The following PDZD8 variants were observed in gnomAD, a reference collection of about 807,000 sequenced individuals.
PDZD8 encodes the protein PDZ domain containing 8.
In PDZD8, 14 loss-of-function variants were observed where a neutral mutation model predicts 85.8. That is an observed-to-expected ratio of 0.16 (90% CI 0.11 to 0.26). PDZD8 has a LOEUF of 0.26. Among genes scored for constraint, PDZD8 ranks in the 10% least tolerant of loss-of-function variants. The pLI, the probability that PDZD8 is intolerant of heterozygous loss-of-function variation, is 1.00. For synonymous variants in PDZD8, 592 were observed against 568.6 expected (o/e 1.04, Z -0.59); for missense variants, 1,197 against 1,424.3 (o/e 0.84, Z 2.57).
At chr10:117,307,993 T>A (rs1843972006) in intron 3 of PDZD8, among the ~76,000 whole-genome samples, 1 of 152,146 alleles carries the variant, frequency 6.6e-6, no homozygotes, top group Non-Finnish European at 1.5e-5. Flanking sequence ...TAGTGAAGTA[T>A]CATGAACTAC....
chr10:117,281,550 A>C lies in PDZD8; in HGVS notation c.*1718T>G, dbSNP rs1253556186. 2 of 152,182 alleles carry C rather than the reference A, an allele frequency of 1.3e-5. No individual in the cohort carries two copies. Among genetic ancestry groups the C allele is most frequent in the Non-Finnish European group, 2.9e-5 (2 of 68,032 alleles). The allele number at this position is 152,182 out of a possible 1,614,324, so 9.4% of individuals were successfully genotyped here. On this transcript the variant is annotated 3_prime_UTR_variant, in exon 5 of 5. Coordinates refer to ENST00000334464, the MANE Select transcript of PDZD8 (RefSeq NM_173791.5). The stretch of plus-strand genomic sequence containing the variant: ...AAAGTGGAATAACTTTTCTCCCCTC[A>C]AAAATGTCTTTCTTACTCATATAAA...
At chr10:117,326,125 A>C (rs1042068724) in intron 2 of PDZD8, among the ~76,000 whole-genome samples, 2 of 152,132 alleles carry the variant, frequency 1.3e-5, no homozygotes, top group Non-Finnish European at 2.9e-5. Flanking sequence ...GAGTCAATTA[A>C]ACCTCTTTTC....
chr10:117,288,230 TGAATC>T (rs1844698351), intron 4 of PDZD8, among the ~76,000 whole-genome samples: 2 of 152,166 alleles, frequency 1.3e-5, no homozygotes. Context: ...CCCATATAAA[TGAATC>T]AAAGCGATAT....
At chr10:117,312,091 A>C (rs575028298) in intron 3 of PDZD8, among the ~76,000 whole-genome samples, 2 of 152,244 alleles carry the variant, frequency 1.3e-5, no homozygotes, top group African/African-American at 4.8e-5. Context: ...CTCTCATGGC[A>C]TACAGCAGGG....
At chr10:117,323,145 A>ATCGT (rs1358563753) in intron 2 of PDZD8, among the ~76,000 whole-genome samples, 1 of 152,198 alleles carries the variant, frequency 6.6e-6, no homozygotes, top group Non-Finnish European at 1.5e-5. Flanking sequence ...GAAGAACAAG[A>ATCGT]TCGTTCATCT....
chr10:117,324,171 T>C (rs1844275767), intron 2 of PDZD8, among the ~76,000 whole-genome samples: 1 of 121,900 alleles, frequency 8.2e-6, no homozygotes, highest in Non-Finnish European at 1.6e-5. Flanking sequence ...GAGGTTGCAG[T>C]GAGCCAAGAT....
intron 1 of PDZD8, among the ~76,000 whole-genome samples, chr10:117,373,475 G>A (rs538593028): frequency 2.0e-5 from 3 of 151,850 alleles, no homozygotes; most frequent in Non-Finnish European, 4.4e-5. Context: ...AAGTATTCCC[G>A]GGCCGGGCGC....
At chr10:117,341,866 T>C (rs556537529) in intron 1 of PDZD8, among the ~76,000 whole-genome samples, 15 of 152,312 alleles carry the variant, frequency 9.8e-5, no homozygotes, top group East Asian at 9.6e-4. Context: ...AATAGCAACA[T>C]CAATAACAAT....
chr10:117,319,411 ACACACACACACACACACACACACT>A (rs926213920), intron 2 of PDZD8, among the ~76,000 whole-genome samples: 9 of 80,322 alleles, frequency 1.1e-4, no homozygotes, highest in Admixed American at 2.6e-4. Flanking sequence ...ACACACACAC[ACACACACACACACACACACACACT>A]CTTCATCTAC....
chr10:117,325,260 C>CA (rs2133820137), intron 2 of PDZD8, among the ~76,000 whole-genome samples: 1 of 152,018 alleles, frequency 6.6e-6, no homozygotes, highest in Non-Finnish European at 1.5e-5. Context: ...TTTGGGACCT[C>CA]AGAGAGGAAT....
intron 2 of PDZD8, among the ~76,000 whole-genome samples, chr10:117,339,127 CCAAAAAAAAAA>C (rs1564705055): frequency 2.6e-5 from 1 of 38,334 alleles, no homozygotes. Context: ...CTGGACTTAA[CCAAAAAAAAAA>C]AAAAAAAAAA....
Position 117,292,171 on chromosome 10 carries a change from G to C in PDZD8, c.1099-1823C>G, listed in dbSNP as rs937897996. 3.3e-5 allele frequency among the ~76,000 whole-genome samples: 5 copies of C among 152,266 alleles called. No homozygotes were observed. The South Asian group carries it at 1.0e-3, about 32-fold the overall frequency. On this transcript the variant is annotated intron_variant, in intron 3 of 4. Transcript: ENST00000334464. Reference sequence around the variant, plus strand: ...TTTGGGTGTTAACAAATTTTGTAAAGTTATTTTAAGGAAAATCTTAATCAT... The same window carrying C: ...TTTGGGTGTTAACAAATTTTGTAAACTTATTTTAAGGAAAATCTTAATCAT...
chr10:117,300,878 G>GA (rs373917427), intron 3 of PDZD8, among the ~76,000 whole-genome samples: 2 of 152,232 alleles, frequency 1.3e-5, no homozygotes, highest in African/African-American at 4.8e-5. Flanking sequence ...CCTGATCTTG[G>GA]ACTTCCCAGC....
chr10:117,343,458 A>G (rs1391285283), intron 1 of PDZD8, among the ~76,000 whole-genome samples: 1 of 152,198 alleles, frequency 6.6e-6, no homozygotes, highest in Non-Finnish European at 1.5e-5. Context: ...AACTAAATTT[A>G]TATCAATATA....
At chr10:117,346,577 C>T (rs1316009869) in intron 1 of PDZD8, among the ~76,000 whole-genome samples, 1 of 151,622 alleles carries the variant, frequency 6.6e-6, no homozygotes, top group Non-Finnish European at 1.5e-5. Context: ...TAAAAAGCAG[C>T]CCCCAAATCA....
At chr10:117,338,412 A>G (rs548299900) in intron 2 of PDZD8, among the ~76,000 whole-genome samples, 1 of 152,320 alleles carries the variant, frequency 6.6e-6, no homozygotes, top group South Asian at 2.1e-4. Flanking sequence ...ATATAACCTA[A>G]GCCGACAGTT....
intron 1 of PDZD8, among the ~76,000 whole-genome samples, chr10:117,368,134 C>T (rs186022263): frequency 2.6e-5 from 4 of 152,270 alleles, no homozygotes; most frequent in East Asian, 1.9e-4. Context: ...ATTTTTATCA[C>T]GTTTACTATA....
chr10:117,315,751 G>A (rs1844118684), intron 3 of PDZD8, among the ~76,000 whole-genome samples: 1 of 152,078 alleles, frequency 6.6e-6, no homozygotes, highest in South Asian at 2.1e-4. Flanking sequence ...TATGTGTTCT[G>A]TGGCGCTAAC....
intron 1 of PDZD8, among the ~76,000 whole-genome samples, chr10:117,373,586 C>T (rs927393225): frequency 7.3e-6 from 1 of 136,294 alleles, no homozygotes; most frequent in Non-Finnish European, 1.5e-5. Flanking sequence ...GGTGAAACTC[C>T]GTCTCTACTA....
Sources: gnomAD v4.1 joint callset for allele counts (sites outside exome capture counted in the v4.1 genomes callset) on GRCh38, gnomAD v4.1.1 for gene constraint, MANE v1.5 for transcripts, NCBI Gene and HGNC (gene_info 2026-07-23, HGNC 2026-07-21) for gene names.